The following DNAJC1 variants were observed in gnomAD, a reference collection of about 807,000 sequenced individuals.
DNAJC1 encodes the protein DnaJ heat shock protein family (Hsp40) member C1.
DNAJC1 carries 58 observed loss-of-function variants against 76.6 expected under a neutral mutation model. The observed-to-expected ratio is 0.76, with a 90% CI of 0.61 to 0.94. The LOEUF is 0.94. Ranked by LOEUF, DNAJC1 falls within the 40% of genes least tolerant of loss-of-function variation. The probability of loss-of-function intolerance (pLI) is 0.00; values close to 1 mark genes in which losing one functional copy is unlikely to be tolerated. For synonymous variants in DNAJC1, 258 were observed against 267.9 expected, an observed-to-expected ratio of 0.96 and a Z score of 0.36; for missense variants, 689 against 677.3, an observed-to-expected ratio of 1.02 and a Z score of -0.19.
intron 1 of DNAJC1, among the ~76,000 whole-genome samples, chr10:21,936,878 CATATA>C (rs1475155286): frequency 1.3e-5 from 2 of 152,028 alleles, no homozygotes; most frequent in Non-Finnish European, 2.9e-5. Context: ...ACAAAGATGA[CATATA>C]ATATACAGAA....
chr10:21,944,643 G>T (rs1189401270), intron 1 of DNAJC1, among the ~76,000 whole-genome samples: 2 of 152,136 alleles, frequency 1.3e-5, no homozygotes, highest in Non-Finnish European at 2.9e-5. Flanking sequence ...TGGAAGAGTG[G>T]CAGTGAATTT....
At chr10:21,851,553 C>T (rs1203778628) in intron 8 of DNAJC1, among the ~76,000 whole-genome samples, 8 of 152,068 alleles carry the variant, frequency 5.3e-5, no homozygotes, top group African/African-American at 1.7e-4. Flanking sequence ...TAAAATGGTT[C>T]GGCTGCAGTG....
chr10:21,950,182 G>A (rs1007540077), intron 1 of DNAJC1, among the ~76,000 whole-genome samples: 6 of 152,012 alleles, frequency 3.9e-5, no homozygotes, highest in African/African-American at 1.5e-4. Context: ...GCAATCCTGA[G>A]CCAATCAAGT....
chr10:21,911,082 A>G (rs189084180), intron 6 of DNAJC1, among the ~76,000 whole-genome samples: 1 of 125,024 alleles, frequency 8.0e-6, no homozygotes, highest in African/African-American at 2.9e-5. Context: ...GAAGGAAGGA[A>G]GGAAGGCGGG....
At chr10:21,891,477 A>AG (rs1019657780) in intron 7 of DNAJC1, among the ~76,000 whole-genome samples, 3 of 126,270 alleles carry the variant, frequency 2.4e-5, no homozygotes, top group African/African-American at 9.4e-5. Flanking sequence ...CAAAGTAGAC[A>AG]AAAAAAAAAA....
chr10:21,907,060 T>C (rs1394095467), intron 6 of DNAJC1, among the ~76,000 whole-genome samples: 3 of 152,160 alleles, frequency 2.0e-5, no homozygotes, highest in Admixed American at 6.5e-5. Flanking sequence ...CTCTCCCTAG[T>C]AGTCCTGCCA....
Position 21,850,288 on chromosome 10 carries a change from T to C in DNAJC1, c.978+31994A>G, listed in dbSNP as rs1180738894. 2.6e-5 allele frequency among the ~76,000 whole-genome samples: 4 copies of C among 152,006 alleles called. No homozygotes were observed. In the East Asian group the frequency reaches 7.7e-4, roughly 29 times the overall value. Reference sequence around the variant, plus strand: ...CATTATAGGTACAAAAATCAATACATAAAACGCAGTTGGGTTTCTAGACAC... The same window carrying C: ...CATTATAGGTACAAAAATCAATACACAAAACGCAGTTGGGTTTCTAGACAC... On this transcript the variant is annotated intron_variant, in intron 8 of 11. Transcript: ENST00000376980.
chr10:21,823,097 A>G (rs905495492), intron 8 of DNAJC1, among the ~76,000 whole-genome samples: 3 of 152,170 alleles, frequency 2.0e-5, no homozygotes, highest in African/African-American at 7.2e-5. Flanking sequence ...ACAATTTTAA[A>G]AACAAGTGTT....
intron 3 of DNAJC1, among the ~76,000 whole-genome samples, chr10:21,922,608 CA>C (rs1837058424): frequency 6.6e-6 from 1 of 151,912 alleles, no homozygotes; most frequent in Non-Finnish European, 1.5e-5. Context: ...TAAAAACTAT[CA>C]TTCATGTTAT....
intron 8 of DNAJC1, among the ~76,000 whole-genome samples, chr10:21,837,508 C>T (rs1325351044): frequency 3.3e-5 from 5 of 151,180 alleles, no homozygotes; most frequent in South Asian, 2.1e-4. Context: ...ATGTGGGGAG[C>T]GCCTCTGCCC....
intron 7 of DNAJC1, 111 bp downstream of exon 7, chr10:21,904,407 GAAAA>G (rs80315655): frequency 4.0e-6 from 2 of 504,162 alleles, no homozygotes; most frequent in Non-Finnish European, 6.2e-6. Flanking sequence ...TAGGGAGTGG[GAAAA>G]AAAAAAAAAG....
chr10:21,769,977 C>A (rs1289247404), intron 9 of DNAJC1, among the ~76,000 whole-genome samples: 1 of 152,122 alleles, frequency 6.6e-6, no homozygotes, highest in African/African-American at 2.4e-5. Flanking sequence ...TGAGCCACTG[C>A]GCCCGGCCTA....
At chr10:21,844,269 TTTTTTTTTTTG>T (rs1241941654) in intron 8 of DNAJC1, among the ~76,000 whole-genome samples, 2 of 116,984 alleles carry the variant, frequency 1.7e-5, no homozygotes, top group Non-Finnish European at 3.2e-5. Context: ...CCTGGCTAAT[TTTTTTTTTTTG>T]TATTTTTAGT....
chr10:21,808,023 CA>C (rs761420649), intron 8 of DNAJC1, among the ~76,000 whole-genome samples: 1 of 152,034 alleles, frequency 6.6e-6, no homozygotes, highest in Non-Finnish European at 1.5e-5. Context: ...TTCAGAAATG[CA>C]AAAGACTTAA....
intron 8 of DNAJC1, among the ~76,000 whole-genome samples, chr10:21,859,616 T>G (rs537139889): frequency 2.6e-5 from 4 of 151,282 alleles, no homozygotes; most frequent in Admixed American, 6.6e-5. Flanking sequence ...TACATAGACA[T>G]AGGGGTTACA....
intron 6 of DNAJC1, among the ~76,000 whole-genome samples, chr10:21,910,835 AGGAG>A (rs1564824873): frequency 0.016 from 841 of 51,398 alleles, 87 homozygotes; most frequent in South Asian, 0.051. Context: ...AAGGAAGGAG[AGGAG>A]AGGAGAGGAG....
intron 8 of DNAJC1, among the ~76,000 whole-genome samples, chr10:21,844,040 C>A (rs535305500): frequency 6.6e-6 from 1 of 152,188 alleles, no homozygotes; most frequent in African/African-American, 2.4e-5. Context: ...TTCCTCAGCA[C>A]AAGCTCTCTT....
At chr10:21,761,529 C>T (rs1199480591) in intron 10 of DNAJC1, among the ~76,000 whole-genome samples, 4 of 139,248 alleles carry the variant, frequency 2.9e-5, no homozygotes, top group East Asian at 2.1e-4. Context: ...ACAGCCTGGG[C>T]GACAGAGTGA....
chr10:21,947,721 CT>C (rs1268805724), intron 1 of DNAJC1, among the ~76,000 whole-genome samples: 1 of 152,114 alleles, frequency 6.6e-6, no homozygotes, highest in African/African-American at 2.4e-5. Context: ...TACTGCATAT[CT>C]TTTCTATGAA....
Sources: allele counts gnomAD v4.1 joint callset (sites outside exome capture counted in the v4.1 genomes callset), GRCh38; gene constraint gnomAD v4.1.1; transcripts MANE v1.5; gene names NCBI Gene and HGNC (gene_info 2026-07-23, HGNC 2026-07-21).